Variants in PLBD2 observed in about 807,000 individuals in gnomAD.
PLBD2 encodes the protein putative aminopeptidase PLBD2.
In PLBD2, 51 loss-of-function variants were observed where a neutral mutation model predicts 68.3. The ratio of observed to expected loss-of-function variants is 0.75; its 90% CI spans 0.60 to 0.94. The LOEUF is 0.94. Among genes scored for constraint, PLBD2 ranks in the 40% least tolerant of loss-of-function variants. The pLI is 0.00. For missense variants in PLBD2, 729 were observed against 792.2 expected (o/e 0.92, Z 0.96); for synonymous variants, 314 against 339.3 (o/e 0.93, Z 0.82).
At chr12:113,360,015 G>C (rs1380593865) in intron 1 of PLBD2, among the ~76,000 whole-genome samples, 1 of 152,184 alleles carries the variant, frequency 6.6e-6, no homozygotes. Context: ...GCAGCAGAAA[G>C]GGCCTCCTCC....
At chr12:113,376,453 C>T (rs147124376) in intron 5 of PLBD2, among the ~76,000 whole-genome samples, 51 of 152,214 alleles carry the variant, frequency 3.4e-4, no homozygotes, top group African/African-American at 1.2e-3. Context: ...TGTGAGCCAC[C>T]GCACCTGGCT....
At position 113,391,511 on chromosome 12, in the gene PLBD2, C is replaced by G. The variant is rs1442310250; in HGVS notation, c.*2885C>G. On this transcript the variant is annotated 3_prime_UTR_variant, in exon 12 of 12. Coordinates refer to ENST00000280800, the MANE Select transcript of PLBD2 (RefSeq NM_173542.4). ...AACAAAAGGGACAGAAGCATTCCTG[C>G]TCTTGTGAAGTTTACATTGACTAGA... is the stretch of plus-strand genomic sequence containing the variant. The G allele has an allele frequency of 2.0e-5, 3 of 152,190 alleles. No individual in the cohort carries two copies. Among genetic ancestry groups the G allele is most frequent in the African/African-American group, 4.8e-5 (2 of 41,440 alleles). 9.4% of individuals were successfully genotyped at this position (152,190 alleles called of 1,614,324 possible).
chr12:113,360,989 C>T (rs553644063), intron 1 of PLBD2, among the ~76,000 whole-genome samples: 1 of 152,298 alleles, frequency 6.6e-6, no homozygotes, highest in Non-Finnish European at 1.5e-5. Context: ...AGTTTGCCAG[C>T]CCTTGAGGCT....
At chr12:113,359,220 C>T in intron 1 of PLBD2, 1 of 295,994 alleles carries the variant, frequency 3.4e-6, no homozygotes, top group Non-Finnish European at 6.3e-6. Context: ...ATTCTATCCT[C>T]ACGGGGACCT....
chr12:113,383,276 G>T (rs1166577735), intron 6 of PLBD2, among the ~76,000 whole-genome samples: 1 of 152,092 alleles, frequency 6.6e-6, no homozygotes, highest in African/African-American at 2.4e-5. Flanking sequence ...TGGGAAAGGG[G>T]TGGGAATGGG....
chr12:113,380,684 G>T, intron 5 of PLBD2, 61 bp from the exon 6 acceptor site: 1 of 1,377,886 alleles, frequency 7.3e-7, no homozygotes. Context: ...GTTAGGTAGG[G>T]TGCAGGGGCC....
At chr12:113,368,971 C>T (rs984028959) in intron 1 of PLBD2, 145 bp from the exon 2 acceptor site, 6 of 563,190 alleles carry the variant, frequency 1.1e-5, no homozygotes, top group Admixed American at 6.7e-5. Context: ...GGATTTAATC[C>T]GGCAAGCTCA....
chr12:113,358,941 G>A, intron 1 of PLBD2, 51 bp downstream of exon 1: 1 of 1,469,062 alleles, frequency 6.8e-7, no homozygotes, highest in Admixed American at 2.8e-5. Flanking sequence ...GGGGATGCGT[G>A]GGCGCCGGAC....
At chr12:113,375,407 C>T (rs1957431722) in intron 5 of PLBD2, among the ~76,000 whole-genome samples, 1 of 152,228 alleles carries the variant, frequency 6.6e-6, no homozygotes, top group Admixed American at 6.5e-5. Flanking sequence ...CTGACTTGGC[C>T]TCCCAAAGTG....
chr12:113,374,395 G>C, intron 3 of PLBD2, 79 bp from the exon 4 acceptor site: 4 of 1,009,642 alleles, frequency 4.0e-6, no homozygotes, highest in Non-Finnish European at 6.0e-6. Context: ...CCCCAGGCCA[G>C]AGCCCGTCCC....
intron 6 of PLBD2, among the ~76,000 whole-genome samples, chr12:113,381,549 G>A (rs570078360): frequency 1.8e-4 from 28 of 152,176 alleles, no homozygotes; most frequent in Non-Finnish European, 4.0e-4. Flanking sequence ...TCTTCTTCTT[G>A]TCTGATCCTT....
rs769302794 is a variant in PLBD2, at chr12:113,374,843, A to C, written c.695A>C (p.Lys232Thr). 91 of 1,613,752 alleles carry C rather than the reference A, an allele frequency of 5.6e-5. No homozygotes were observed. Among genetic ancestry groups the C allele is most frequent in the Non-Finnish European group, 7.5e-5 (88 of 1,180,030 alleles). The change falls in exon 5 of 12, where the codon AAG (lysine) becomes ACG (threonine). Residue 232 changes from lysine (K) to threonine (T), a missense_variant. By Grantham distance (78) the Lys-to-Thr change is moderately conservative (BLOSUM62 -1). Coordinates refer to ENST00000280800, the MANE Select transcript of PLBD2 (RefSeq NM_173542.4). ...GAAGACCTGGAGCTGGCCCTGAACA[A>C]GACCAAGATCAAACCTTCTCTGGGC... ...DLEDLELALN[K>T]TKIKPSLGSG...
chr12:113,378,766 A>G (rs1405826804), intron 5 of PLBD2, among the ~76,000 whole-genome samples: 2 of 149,960 alleles, frequency 1.3e-5, no homozygotes, highest in African/African-American at 4.9e-5. Context: ...GCTCACTTCA[A>G]CCTCCGCCTC....
chr12:113,381,617 C>G lies in PLBD2; in HGVS notation c.957+775C>G, dbSNP rs904886466. On this transcript the variant is annotated intron_variant, in intron 6 of 11. Coordinates refer to ENST00000280800, the MANE Select transcript of PLBD2 (RefSeq NM_173542.4). ...GGGCCAGGCGGTGGGTGAGGGAACC[C>G]CCATGCTGTGGCCCAGGTGGGGAAG... is the stretch of plus-strand genomic sequence containing the variant. 2.6e-5 allele frequency among the ~76,000 whole-genome samples: 4 copies of G among 152,168 alleles called. No individual in the cohort carries two copies. The East Asian group carries it at 7.8e-4, about 30-fold the overall frequency.
intron 5 of PLBD2, among the ~76,000 whole-genome samples, chr12:113,379,005 T>C (rs1490354384): frequency 2.6e-5 from 4 of 152,130 alleles, no homozygotes; most frequent in African/African-American, 9.7e-5. Flanking sequence ...GTGCAAAGAC[T>C]TAATGTGGAA....
In PLBD2 at chr12:113,374,997, A is replaced by C. The variant is rs1464151106; in HGVS notation, c.849A>C (p.Glu283Asp). Residue 283 changes from glutamate (E) to aspartate (D), a missense_variant, in exon 5 of 12, where the codon GAA becomes GAC. Physicochemically the swap from Glu to Asp is conservative, Grantham distance 45 (BLOSUM62 2). Transcript: ENST00000280800. ...VIKKYWLQFREGPWGDYPLVP... is the reference protein window; with the variant it reads ...VIKKYWLQFRDGPWGDYPLVP... ...AGAAGTACTGGCTCCAGTTCCGGGA[A>C]GGCCCCTGGGGTAGGTGGGTGTGGG... is the stretch of plus-strand genomic sequence containing the variant. 3.1e-6 allele frequency: 5 copies of C among 1,613,944 alleles called. No homozygotes were observed. The highest frequency in any genetic ancestry group is 4.2e-6 in the Non-Finnish European group (5 of 1,180,000).
chr12:113,382,867 G>GTGTTTTT, intron 6 of PLBD2, among the ~76,000 whole-genome samples: 1 of 81,806 alleles, frequency 1.2e-5, no homozygotes, highest in Non-Finnish European at 2.5e-5. Flanking sequence ...GTGTGTGTGT[G>GTGTTTTT]TTTTTTTTTT....
intron 1 of PLBD2, among the ~76,000 whole-genome samples, chr12:113,361,267 A>T (rs1957291067): frequency 6.8e-6 from 1 of 146,296 alleles, no homozygotes; most frequent in South Asian, 2.2e-4. Context: ...GGATCCTGGG[A>T]TTATCAGGAT....
chr12:113,363,598 C>T (rs376828163), intron 1 of PLBD2, among the ~76,000 whole-genome samples: 2 of 139,460 alleles, frequency 1.4e-5, no homozygotes, highest in East Asian at 2.1e-4. Context: ...GAGTCAGTGG[C>T]GCGATTTCGG....
Sources: gnomAD v4.1 joint callset for allele counts (sites outside exome capture counted in the v4.1 genomes callset) on GRCh38, gnomAD v4.1.1 for gene constraint, MANE v1.5 for transcripts, NCBI Gene and HGNC (gene_info 2026-07-23, HGNC 2026-07-21) for gene names.